Variants in COL2A1 observed in about 807,000 individuals in gnomAD.
COL2A1 encodes collagen alpha-1(II) chain.
A neutral mutation model predicts 204.5 loss-of-function variants in COL2A1; 28 were observed. The observed-to-expected ratio is 0.14, with a 90% CI of 0.10 to 0.19. COL2A1 has a LOEUF of 0.19. Among genes scored for constraint, COL2A1 ranks in the 10% least tolerant of loss-of-function variants. The pLI, the probability that COL2A1 is intolerant of heterozygous loss-of-function variation, is 1.00. For missense variants in COL2A1, 1,388 were observed against 2,027.5 expected (o/e 0.68, Z 6.06); for synonymous variants, 708 against 718.7 (o/e 0.99, Z 0.24).
At chr12:47,985,400 C>T in intron 26 of COL2A1, 134 bp downstream of exon 26, 1 of 960,068 alleles carries the variant, frequency 1.0e-6, no homozygotes, top group East Asian at 2.4e-5. Context: ...CAGTGCCTAC[C>T]ATCTACCCCC....
Position 47,976,155 on chromosome 12 carries a change from G to T in COL2A1, c.3490-85C>A. On this transcript the variant is annotated intron_variant, in intron 49 of 53. Transcript: ENST00000380518. This position sits in a 1 kb window ranked among gnomAD's most constrained non-coding sequence, Gnocchi z 4.3. ...CTGGGGCTGGGTAGGTGGCTGTCCT[G>T]ATAGCACCAGCCACTCCGCCCCCAG... 1 of 927,524 alleles carries T rather than the reference G, an allele frequency of 1.1e-6. No homozygotes were observed. The highest frequency in any genetic ancestry group is 1.8e-6 in the Non-Finnish European group (1 of 556,884). 57.5% of individuals were successfully genotyped at this position (927,524 alleles called of 1,614,324 possible). A position where few individuals can be genotyped will look rare whatever the true frequency, so the allele number is the denominator to read the frequency against.
chr12:47,984,216 G>T (rs1383665937), intron 28 of COL2A1, 76 bp from the exon 29 acceptor site: 3 of 1,400,900 alleles, frequency 2.1e-6, no homozygotes, highest in African/African-American at 2.8e-5. Context: ...TTGGGCAAAG[G>T]TACTTCTGGC....
chr12:47,977,905 C>T (rs1308358724), intron 44 of COL2A1, 105 bp downstream of exon 44: 2 of 1,145,346 alleles, frequency 1.7e-6, no homozygotes, highest in South Asian at 1.3e-5. Flanking sequence ...ACTGCCACCC[C>T]CTTCTCCAGG....
rs1938826498 is a variant in COL2A1, at chr12:47,978,150, A to C, written c.3004-33T>G. On this transcript the variant is annotated intron_variant, in intron 43 of 53. Transcript: ENST00000380518. This position sits in a 1 kb window ranked among gnomAD's most constrained non-coding sequence, Gnocchi z 5.5. ...GACAGAGACAAGGATGATGAGTGCA[A>C]GTGGTAAGCACCCCTGCCCAGGGCC... is the stretch of plus-strand genomic sequence containing the variant. 6.3e-7 allele frequency: 1 copy of C among 1,599,796 alleles called. No homozygotes were observed. Among genetic ancestry groups the C allele is most frequent in the South Asian group, 1.1e-5 (1 of 89,636 alleles).
chr12:47,983,924 A>G (rs1939239954), intron 29 of COL2A1, 163 bp downstream of exon 29: 3 of 925,660 alleles, frequency 3.2e-6, no homozygotes, highest in African/African-American at 3.3e-5. Flanking sequence ...ATGTGGGTCC[A>G]CACAGCCTCC....
At chr12:47,994,575 T>C in intron 11 of COL2A1, 98 bp from the exon 12 acceptor site, 1 of 1,295,390 alleles carries the variant, frequency 7.7e-7, no homozygotes, top group Non-Finnish European at 1.1e-6. Flanking sequence ...CTCCATGCCT[T>C]TGCCTACCGG....
At chr12:47,979,455 C>A (rs974569855) in intron 41 of COL2A1, 56 bp downstream of exon 41, 4 of 1,579,856 alleles carry the variant, frequency 2.5e-6, no homozygotes, top group African/African-American at 2.7e-5. Flanking sequence ...CTGTTGGGTG[C>A]TGGGCCAGGC....
rs1410153789 is a variant in COL2A1 at position 47,994,457 on chromosome 12, T to A, written c.783A>T (p.Gly261=). The A allele has an allele frequency of 1.2e-6, 2 of 1,613,922 alleles. No homozygotes were observed. The highest frequency in any genetic ancestry group is 1.7e-6 in the Non-Finnish European group (2 of 1,180,032). Residue 261 remains glycine (G), a synonymous_variant, in exon 12 of 54, where the codon GGA becomes GGT. Transcript: ENST00000380518. ...CAGGCGGACCCCTTTCACCAGCTTT[T>A]CCAGGTTTTCCAGCTTCACCCTGAA... ...PGDDGEAGKP[G]KAGERGPPGP... is the part of the protein sequence containing the mutation.
intron 16 of COL2A1, among the ~76,000 whole-genome samples, chr12:47,992,514 A>G (rs1939753940): frequency 6.6e-6 from 1 of 152,138 alleles, no homozygotes. Flanking sequence ...CCACTTTTCT[A>G]GGGCATTTGA....
chr12:47,995,846 T>G, intron 9 of COL2A1, 29 bp downstream of exon 9: 1 of 1,611,106 alleles, frequency 6.2e-7, no homozygotes, highest in Non-Finnish European at 8.5e-7. Flanking sequence ...TGCGACACGA[T>G]GGAGGCAAAA....
At position 47,976,978 on chromosome 12, in the gene COL2A1, T is replaced by C; in HGVS notation, c.3328-59A>G. 6.5e-7 allele frequency: 1 copy of C among 1,538,368 alleles called. No homozygotes were observed. Among genetic ancestry groups the C allele is most frequent in the African/African-American group, 1.4e-5 (1 of 73,614 alleles). On this transcript the variant is annotated intron_variant, in intron 47 of 53. Coordinates refer to ENST00000380518, the MANE Select transcript of COL2A1 (RefSeq NM_001844.5). The surrounding 1 kb of genome is among the most constrained non-coding windows in gnomAD (Gnocchi z 4.3). ...CAGGGCCAGGACAGGAGCCCCCTCC[T>C]GTCCCACCCAAGCTGAGGAATCCCC... is the stretch of plus-strand genomic sequence containing the variant.
intron 51 of COL2A1, 130 bp downstream of exon 51, chr12:47,975,183 AAGAG>A: frequency 8.4e-7 from 1 of 1,195,468 alleles, no homozygotes; most frequent in Admixed American, 2.0e-5. Context: ...GCTGTGAAAT[AAGAG>A]AGGAACCCTC....
intron 1 of COL2A1, among the ~76,000 whole-genome samples, chr12:48,003,667 T>C (rs1940338851): frequency 6.6e-6 from 1 of 152,116 alleles, no homozygotes; most frequent in Non-Finnish European, 1.5e-5. Flanking sequence ...TCGGAAGCCG[T>C]TCTTTGTGGC....
chr12:47,992,952 G>A (rs1939774627), intron 15 of COL2A1, 21 bp from the exon 16 acceptor site: 1 of 1,613,742 alleles, frequency 6.2e-7, no homozygotes, highest in African/African-American at 1.3e-5. Flanking sequence ...CACCAGGACA[G>A]CCTAAGCATG....
chr12:47,974,541 T>C (rs894970597), intron 52 of COL2A1, 134 bp downstream of exon 52: 15 of 1,268,250 alleles, frequency 1.2e-5, no homozygotes, highest in Admixed American at 1.7e-5. Context: ...CTTTTCCTCC[T>C]CTTTCCCTCC....
In COL2A1 at chr12:47,978,683, G is replaced by A. The variant is rs1440896814; in HGVS notation, c.2809C>T (p.Pro937Ser). Residue 937 changes from proline to serine, a missense_variant, in exon 42 of 54, where the codon CCC becomes TCC. Coordinates refer to ENST00000380518, the MANE Select transcript of COL2A1 (RefSeq NM_001844.5). The surrounding 1 kb of genome is among the most constrained non-coding windows in gnomAD (Gnocchi z 5.5). ...GPKGARGDSG[P>S]PGRAGEPGLQ... Reference sequence around the variant, plus strand: ...CCGGGTTCACCAGCTCGGCCAGGGGGGCCGCTGTCTCCTCGAGCACCTTTG... The same window carrying A: ...CCGGGTTCACCAGCTCGGCCAGGGGAGCCGCTGTCTCCTCGAGCACCTTTG... The A allele has an allele frequency of 1.9e-6, 3 of 1,613,132 alleles. No homozygotes were observed. The highest frequency in any genetic ancestry group is 2.5e-6 in the Non-Finnish European group (3 of 1,179,980).
In COL2A1 at chr12:47,977,605, C is replaced by T. The variant is rs371635111; in HGVS notation, c.3160G>A (p.Val1054Ile). The T allele has an allele frequency of 3.7e-6, 6 of 1,613,974 alleles. No homozygotes were observed. The highest frequency in any genetic ancestry group is 1.6e-4 in the Middle Eastern group (1 of 6,084). The change falls in exon 45 of 54, where the codon GTC becomes ATC. Residue 1054 changes from valine to isoleucine, a missense_variant. Val to Ile is a conservative substitution (Grantham distance 29). Coordinates refer to ENST00000380518, the MANE Select transcript of COL2A1 (RefSeq NM_001844.5). ...CACAGACACCAGACACTCACCTTGA[C>T]TCCAGCAGCGCCATCTCTGCCAGGG... Reference protein sequence around the residue: ...GPPGRDGAAGVKGDRGETGAV... With the variant: ...GPPGRDGAAGIKGDRGETGAV...
At position 47,978,373 on chromosome 12, in the gene COL2A1, T is replaced by C. The variant is rs776404713; in HGVS notation, c.2921A>G (p.Gln974Arg). Reference protein sequence around the residue: ...PSGAEGPPGPQGLAGQRGIVG... With the variant: ...PSGAEGPPGPRGLAGQRGIVG... ...GATGCCTCTCTGACCAGCCAGACCC[T>C]GGGGACCTGGTGGACCTTCGGCACC... Residue 974 changes from glutamine to arginine, a missense_variant, in exon 43 of 54, where the codon CAG becomes CGG. Coordinates refer to ENST00000380518, the MANE Select transcript of COL2A1 (RefSeq NM_001844.5). The surrounding 1 kb of genome is among the most constrained non-coding windows in gnomAD (Gnocchi z 5.5). 9 of 1,614,018 alleles carry C rather than the reference T, an allele frequency of 5.6e-6. No homozygotes were observed. In the East Asian group the frequency reaches 2.0e-4, roughly 36 times the overall value.
At chr12:47,984,819 G>T (rs1215613738) in intron 27 of COL2A1, among the ~76,000 whole-genome samples, 176 bp downstream of exon 27, 1 of 152,190 alleles carries the variant, frequency 6.6e-6, no homozygotes, top group African/African-American at 2.4e-5. Flanking sequence ...GAGGCTCTGT[G>T]GGGCCATGGA....
Sources: gnomAD v4.1 joint callset for allele counts (sites outside exome capture counted in the v4.1 genomes callset) on GRCh38, gnomAD v4.1.1 for gene constraint, Gnocchi (gnomAD v3.1) non-coding constraint, MANE v1.5 for transcripts, NCBI Gene and HGNC (gene_info 2026-07-23, HGNC 2026-07-21) for gene names.